Variants in LTBP1 observed in about 807,000 individuals in gnomAD.
LTBP1 encodes the protein latent-transforming growth factor beta-binding protein 1.
LTBP1 carries 129 observed loss-of-function variants against 207.6 expected under a neutral mutation model. That is an observed-to-expected ratio of 0.62 (90% CI 0.54 to 0.72). The LOEUF is 0.72. LTBP1 is among the 30% of genes least tolerant of loss of function. The pLI is 0.00. For missense variants in LTBP1, 2,281 were observed against 2,217.2 expected (o/e 1.03, Z -0.58); for synonymous variants, 963 against 833.7 (o/e 1.16, Z -2.67).
At chr2:33,305,932 G>T (rs1281212235) in intron 22 of LTBP1, among the ~76,000 whole-genome samples, 3 of 152,154 alleles carry the variant, frequency 2.0e-5, no homozygotes, top group Non-Finnish European at 4.4e-5. Flanking sequence ...AGTAGTTGGT[G>T]ACCTCAACAA....
chr2:33,085,471 T>C (rs1038437251), intron 3 of LTBP1, among the ~76,000 whole-genome samples: 1 of 152,220 alleles, frequency 6.6e-6, no homozygotes, highest in Non-Finnish European at 1.5e-5. Flanking sequence ...TCCTGAAATA[T>C]TTTCCCCTTC....
At chr2:32,980,842 A>G (rs1053378202) in intron 2 of LTBP1, among the ~76,000 whole-genome samples, 2 of 152,160 alleles carry the variant, frequency 1.3e-5, no homozygotes, top group Non-Finnish European at 2.9e-5. Flanking sequence ...TATTTTTGCC[A>G]TAGATACTCT....
intron 13 of LTBP1, among the ~76,000 whole-genome samples, chr2:33,260,787 G>A (rs2092989533): frequency 6.6e-6 from 1 of 152,180 alleles, no homozygotes; most frequent in South Asian, 2.1e-4. Flanking sequence ...ATGTATGGAA[G>A]TAATTATTTA....
At chr2:33,326,056 G>A (rs1307566125) in intron 24 of LTBP1, among the ~76,000 whole-genome samples, 2 of 148,820 alleles carry the variant, frequency 1.3e-5, no homozygotes, top group East Asian at 1.9e-4. Flanking sequence ...ATGACTTATA[G>A]TGTTTATAGT....
chr2:33,286,087 C>G (rs553074529), intron 19 of LTBP1, among the ~76,000 whole-genome samples: 1 of 152,172 alleles, frequency 6.6e-6, no homozygotes, highest in Non-Finnish European at 1.5e-5. Flanking sequence ...TGCAGCTAGC[C>G]TTTTGGGGGT....
At chr2:33,376,843 GGATT>G (rs1410993353) in intron 31 of LTBP1, among the ~76,000 whole-genome samples, 1 of 152,076 alleles carries the variant, frequency 6.6e-6, no homozygotes, top group Non-Finnish European at 1.5e-5. Context: ...AAGAGGTACT[GGATT>G]TGTGAAAGGG....
At position 33,215,716 on chromosome 2, in the gene LTBP1, G is replaced by GTTTTT. The variant is rs1287189048; in HGVS notation, c.1702-1834_1702-1830dup. On this transcript the variant is annotated intron_variant, in intron 7 of 33. Coordinates refer to ENST00000404816, the MANE Select transcript of LTBP1 (RefSeq NM_206943.4). The stretch of plus-strand genomic sequence containing the variant: ...GCTAAACTTCCATTGGTTTTCTTTT[G>GTTTTT]TTTTTTGTTTTTTTTTTTTGAGATA... Among the ~76,000 whole-genome samples the GTTTTT allele has an allele frequency of 9.4e-3, 1,299 of 138,910 alleles. 50 individuals are homozygous for GTTTTT. Among genetic ancestry groups the GTTTTT allele is most frequent in the African/African-American group, 0.034 (1,239 of 36,864 alleles). The allele number at this position is 138,910 out of a possible 152,430, so 91.1% of individuals were successfully genotyped here.
At chr2:32,962,282 A>T (rs1213093341) in intron 2 of LTBP1, among the ~76,000 whole-genome samples, 1 of 152,236 alleles carries the variant, frequency 6.6e-6, no homozygotes, top group Non-Finnish European at 1.5e-5. Flanking sequence ...TCCTAAAAGT[A>T]GGGTTCGTGC....
chr2:33,232,685 A>G (rs1020778528), intron 9 of LTBP1, among the ~76,000 whole-genome samples: 1 of 152,182 alleles, frequency 6.6e-6, no homozygotes, highest in Non-Finnish European at 1.5e-5. Context: ...AAGTAAGTAC[A>G]TCTCAAATTA....
chr2:33,187,886 A>G (rs888554153), intron 6 of LTBP1, among the ~76,000 whole-genome samples: 5 of 152,320 alleles, frequency 3.3e-5, no homozygotes, highest in Admixed American at 6.5e-5. Context: ...TACAATTTTT[A>G]TGACAGAAAT....
At chr2:33,214,802 G>A (rs1363622494) in intron 7 of LTBP1, among the ~76,000 whole-genome samples, 3 of 151,870 alleles carry the variant, frequency 2.0e-5, no homozygotes, top group African/African-American at 7.3e-5. Flanking sequence ...GATGGTCTTG[G>A]GCTTTACTGA....
chr2:32,947,976 C>CG (rs897643658), intron 1 of LTBP1, among the ~76,000 whole-genome samples, 158 bp downstream of exon 1: 89 of 152,278 alleles, frequency 5.8e-4, no homozygotes, highest in Admixed American at 2.1e-3. Context: ...CTGGGCGCCG[C>CG]GGGAAGAGGG....
chr2:33,259,151 G>T (rs1316311349), intron 12 of LTBP1, among the ~76,000 whole-genome samples: 1 of 152,160 alleles, frequency 6.6e-6, no homozygotes, highest in Non-Finnish European at 1.5e-5. Flanking sequence ...ACTGAAATAA[G>T]TGACATTCTT....
chr2:33,187,193 A>G (rs1184389388), intron 6 of LTBP1, 113 bp downstream of exon 6: 5 of 837,682 alleles, frequency 6.0e-6, no homozygotes, highest in Non-Finnish European at 9.4e-6. Flanking sequence ...AAAGGAGTAC[A>G]TGATTTGTGG....
intron 2 of LTBP1, among the ~76,000 whole-genome samples, chr2:32,992,712 G>A (rs949737169): frequency 1.4e-4 from 22 of 152,172 alleles, no homozygotes; most frequent in Admixed American, 1.3e-3. Flanking sequence ...CCAGCACTCT[G>A]CCTGGTACAC....
rs1013289300 is a variant in LTBP1 at position 33,309,480 on chromosome 2, C to G, written c.3528C>G (p.Asp1176Glu). Residue 1176 changes from aspartate to glutamate, a missense_variant, in exon 23 of 34, where the codon GAC becomes GAG. By Grantham distance (45) the Asp-to-Glu change is conservative. Coordinates refer to ENST00000404816, the MANE Select transcript of LTBP1 (RefSeq NM_206943.4). ...LEDKSVCQRG[D>E]CINTAGSYDC... The stretch of plus-strand genomic sequence containing the variant: ...ACAAGAGTGTTTGCCAGAGAGGAGA[C>G]TGCATTAATACTGCAGGGTCCTATG... 6.2e-7 allele frequency: 1 copy of G among 1,609,662 alleles called. No individual in the cohort carries two copies. The highest frequency in any genetic ancestry group is 8.5e-7 in the Non-Finnish European group (1 of 1,178,174).
rs550505915 is a variant in LTBP1 at position 33,008,849 on chromosome 2, G to A, written c.566-12060G>A. On this transcript the variant is annotated intron_variant, in intron 2 of 33. Coordinates refer to ENST00000404816, the MANE Select transcript of LTBP1 (RefSeq NM_206943.4). ...AAGGCTGAGTGGTTTTAGGAAGGGAGCCTGTGACTGTCTGGTGAAGGACAT... is the reference window on the plus strand; with the variant it reads ...AAGGCTGAGTGGTTTTAGGAAGGGAACCTGTGACTGTCTGGTGAAGGACAT... Among the ~76,000 whole-genome samples, 6 of 152,346 alleles carry A rather than the reference G, an allele frequency of 3.9e-5. No individual in the cohort carries two copies. The East Asian group carries it at 1.2e-3, about 29-fold the overall frequency.
intron 2 of LTBP1, among the ~76,000 whole-genome samples, chr2:32,959,592 T>C (rs572902412): frequency 0.021 from 2,316 of 109,038 alleles, 10 homozygotes; most frequent in African/African-American, 0.026. Context: ...TATATATATG[T>C]ACGTGTATAT....
rs1363195160 is a variant in LTBP1, at chr2:33,259,596, G to T, written c.2404G>T (p.Ala802Ser). The change falls in exon 13 of 34, where the codon GCA (alanine) becomes TCA (serine). Residue 802 changes from alanine (A) to serine (S), a missense_variant. This residue lies in a region of LTBP1 where 1,671 missense variants were observed against 1,634.8 expected (regional missense o/e 1.02). Transcript: ENST00000404816. ...TTCTTTTCTGGTTTTAGTGGCAACT[G>T]CACCCCCTGAAAAGGTAATTTATTC... ...PGVAEPEVATAPPEKEIPSLD... is the reference protein window; with the variant it reads ...PGVAEPEVATSPPEKEIPSLD... 2 of 1,601,816 alleles carry T rather than the reference G, an allele frequency of 1.2e-6. No homozygotes were observed. Among genetic ancestry groups the T allele is most frequent in the East Asian group, 2.2e-5 (1 of 44,626 alleles).
Sources: allele counts gnomAD v4.1 joint callset (sites outside exome capture counted in the v4.1 genomes callset), GRCh38; gene constraint gnomAD v4.1.1; regional missense constraint gnomAD v4.1.1; transcripts MANE v1.5; gene names NCBI Gene and HGNC (gene_info 2026-07-23, HGNC 2026-07-21).